TRIM6: variants seen among roughly 807,000 people sequenced by gnomAD.
TRIM6 encodes tripartite motif containing 6.
TRIM6 carries 43 observed loss-of-function variants against 51.2 expected under a neutral mutation model. That is an observed-to-expected ratio of 0.84 (90% CI 0.66 to 1.08). TRIM6 has a LOEUF of 1.08. TRIM6 is among the 50% of genes least tolerant of loss of function. The pLI is 0.00. For missense variants in TRIM6, 669 were observed against 619.0 expected (o/e 1.08, Z -0.86); for synonymous variants, 215 against 232.4 (o/e 0.93, Z 0.68).
chr11:5,610,691 C>A, intron 7 of TRIM6, 86 bp from the exon 8 acceptor site: 1 of 1,571,578 alleles, frequency 6.4e-7, no homozygotes, highest in South Asian at 1.2e-5. Flanking sequence ...TCCAGTTCCT[C>A]CAACCACTTC....
At chr11:5,598,747 T>C (rs1001750169) in intron 1 of TRIM6, among the ~76,000 whole-genome samples, 1 of 152,220 alleles carries the variant, frequency 6.6e-6, no homozygotes, top group Non-Finnish European at 1.5e-5. Context: ...CCATTATGCT[T>C]AGAAGATCAG....
rs111252624 is a variant in TRIM6 at position 5,612,558 on chromosome 11, G to C, written c.*1216G>C. 279 of 152,334 alleles carry C rather than the reference G, an allele frequency of 1.8e-3. No individual in the cohort carries two copies. The highest frequency in any genetic ancestry group is 6.2e-3 in the African/African-American group (257 of 41,572). The allele number at this position is 152,334 out of a possible 1,614,324, so 9.4% of individuals were successfully genotyped here. A position where few individuals can be genotyped will look rare whatever the true frequency, so the allele number is the denominator to read the frequency against. ...GAACAATATAAAGCACTTAAAGGAA[G>C]AGGATGATTTCTTCCAGCTTTTCCA... is the stretch of plus-strand genomic sequence containing the variant. On this transcript the variant is annotated 3_prime_UTR_variant, in exon 8 of 8. Coordinates refer to ENST00000380097, the MANE Select transcript of TRIM6 (RefSeq NM_001003818.3).
At position 5,603,326 on chromosome 11, in the gene TRIM6, T is replaced by C. The variant is rs1847983231; in HGVS notation, c.98T>C (p.Val33Ala). Residue 33 changes from valine to alanine, a missense_variant, in exon 2 of 8, where the codon GTA (valine) becomes GCA (alanine). Physicochemically the swap from Val to Ala is moderately conservative, Grantham distance 64. Transcript: ENST00000380097. ...ARRVATMTSP[V>A]LVDIREEVTC... ...AGAGTAGCTACAATGACTTCACCAG[T>C]ACTGGTGGACATACGAGAAGAGGTG... The C allele has an allele frequency of 1.2e-6, 2 of 1,613,988 alleles. No homozygotes were observed. Among genetic ancestry groups the C allele is most frequent in the Non-Finnish European group, 1.7e-6 (2 of 1,180,034 alleles).
intron 2 of TRIM6, among the ~76,000 whole-genome samples, chr11:5,604,263 C>T (rs1848067233): frequency 6.6e-6 from 1 of 152,222 alleles, no homozygotes; most frequent in African/African-American, 2.4e-5. Context: ...ATCCACCCGC[C>T]TCAGCCTCCC....
chr11:5,609,924 A>AG (rs534969369), intron 5 of TRIM6, among the ~76,000 whole-genome samples: 97 of 151,086 alleles, frequency 6.4e-4, no homozygotes, highest in South Asian at 2.1e-3. Context: ...CTCCTTCTCA[A>AG]AAAAAAAAGT....
chr11:5,596,499 CCCCCTTCCCCCGTTCT>C (rs1564858605), upstream of TRIM6, among the ~76,000 whole-genome samples: 3 of 116,260 alleles, frequency 2.6e-5, no homozygotes, highest in Non-Finnish European at 5.5e-5. Flanking sequence ...GCATCCCTTC[CCCCCTTCCCCCGTTCT>C]CCCCTTCCCC....
chr11:5,600,691 G>C (rs1328127066), intron 1 of TRIM6, among the ~76,000 whole-genome samples: 1 of 87,634 alleles, frequency 1.1e-5, no homozygotes, highest in Non-Finnish European at 2.5e-5. Context: ...AGGCCCACAC[G>C]GACTGTTTTT....
rs1847482354 is a variant in TRIM6, at chr11:5,596,662, C to T, written c.-236C>T. 5 of 548,120 alleles carry T rather than the reference C, an allele frequency of 9.1e-6. No individual in the cohort carries two copies. In the South Asian group the frequency reaches 9.2e-5, roughly 10 times the overall value. 34.0% of individuals were successfully genotyped at this position (548,120 alleles called of 1,614,324 possible). A position where few individuals can be genotyped will look rare whatever the true frequency, so the allele number is the denominator to read the frequency against. ...AGAAGGAGTTGGGAGATGAGCCTTC[C>T]GCAAACTCCTGACCTGTGGGTCCGT... On this transcript the variant is annotated 5_prime_UTR_variant, in exon 1 of 8. Transcript: ENST00000380097.
chr11:5,607,614 G>A (rs1167328284), intron 4 of TRIM6, among the ~76,000 whole-genome samples: 1 of 152,188 alleles, frequency 6.6e-6, no homozygotes, highest in East Asian at 1.9e-4. Context: ...GTGAACAACT[G>A]GTGACCAAAT....
rs1848555381 is a variant in TRIM6, at chr11:5,611,153, G to T, written c.1362G>T (p.Met454Ile). The T allele has an allele frequency of 1.2e-6, 2 of 1,614,128 alleles. No homozygotes were observed. Among genetic ancestry groups the T allele is most frequent in the Non-Finnish European group, 1.7e-6 (2 of 1,180,046 alleles). The change falls in exon 8 of 8, where the codon ATG becomes ATT. Residue 454 changes from methionine to isoleucine, a missense_variant. By Grantham distance (10) the Met-to-Ile change is conservative. Transcript: ENST00000380097. ...CTTCCCCTTCCCTGCTTCTCTCCAT[G>T]ACAGTGCCCCCTCGCCGTGTTGGGG... The part of the protein sequence containing the change: ...EDSSPSLLLS[M>I]TVPPRRVGVF...
rs188881551 is a variant in TRIM6, at chr11:5,612,902, A to T, written c.*1560A>T. 1.3e-5 allele frequency: 2 copies of T among 152,228 alleles called. No homozygotes were observed. The highest frequency in any genetic ancestry group is 1.3e-4 in the Admixed American group (2 of 15,272). 9.4% of individuals were successfully genotyped at this position (152,228 alleles called of 1,614,324 possible). Reference sequence around the variant, plus strand: ...AATAACTTTTCCTTTGTGTATTGCAATGATAATATGTTGGCTCTATTGGAT... The same window carrying T: ...AATAACTTTTCCTTTGTGTATTGCATTGATAATATGTTGGCTCTATTGGAT... On this transcript the variant is annotated 3_prime_UTR_variant, in exon 8 of 8. Transcript: ENST00000380097.
chr11:5,605,260 C>G (rs1564866600), intron 3 of TRIM6, 77 bp from the exon 4 acceptor site: 12 of 1,601,814 alleles, frequency 7.5e-6, no homozygotes, highest in Non-Finnish European at 1.0e-5. Flanking sequence ...AGTCCTGAGC[C>G]CAACTTCCCC....
intron 1 of TRIM6, among the ~76,000 whole-genome samples, chr11:5,598,776 T>C (rs1847638871): frequency 6.6e-6 from 1 of 152,226 alleles, no homozygotes; most frequent in South Asian, 2.1e-4. Context: ...CTTTTAATTT[T>C]TCTTGTATTT....
At chr11:5,599,090 C>G (rs183713601) in intron 1 of TRIM6, among the ~76,000 whole-genome samples, 2 of 152,262 alleles carry the variant, frequency 1.3e-5, no homozygotes, top group Non-Finnish European at 2.9e-5. Flanking sequence ...TGGGTTCTTT[C>G]ACTTTGCATG....
In TRIM6 at chr11:5,610,249, A is replaced by C. The variant is rs3740999; in HGVS notation, c.958+4A>C. On this transcript the variant is annotated splice_donor_region_variant and intron_variant, in intron 6 of 7. Coordinates refer to ENST00000380097, the MANE Select transcript of TRIM6 (RefSeq NM_001003818.3). ...AGGATGCTGCGAGTGTGTAGAGGTA[A>C]GGAGATTCAGGGGAAAGAGTTTGGA... The C allele has an allele frequency of 0.43, 699,306 of 1,613,542 alleles. 161,266 individuals carry two copies. The highest frequency in any genetic ancestry group is 0.48 in the Non-Finnish European group (569,363 of 1,179,736).
intron 1 of TRIM6, among the ~76,000 whole-genome samples, chr11:5,598,213 A>G (rs983770840): frequency 4.6e-5 from 7 of 152,200 alleles, no homozygotes; most frequent in African/African-American, 1.7e-4. Flanking sequence ...GCAGCCTCCC[A>G]TATCTCCCTT....
rs960958235 is a variant in TRIM6 at position 5,596,681 on chromosome 11, G to C, written c.-217G>C. ...GCCTTCCGCAAACTCCTGACCTGTG[G>C]GTCCGTCCGTTCAACGGCCAAAGGC... On this transcript the variant is annotated 5_prime_UTR_variant, in exon 1 of 8. Coordinates refer to ENST00000380097, the MANE Select transcript of TRIM6 (RefSeq NM_001003818.3). The C allele has an allele frequency of 1.3e-5, 9 of 666,826 alleles. No homozygotes were observed. Among genetic ancestry groups the C allele is most frequent in the Non-Finnish European group, 2.0e-5 (8 of 398,206 alleles). The allele number at this position is 666,826 out of a possible 1,614,324, so 41.3% of individuals were successfully genotyped here.
intron 4 of TRIM6, among the ~76,000 whole-genome samples, chr11:5,607,772 G>A (rs1848313909): frequency 6.6e-6 from 1 of 152,154 alleles, no homozygotes; most frequent in South Asian, 2.1e-4. Flanking sequence ...AAGAGTTGCC[G>A]AACTAAGTTC....
Position 5,605,498 on chromosome 11 carries a change from C to G in TRIM6, c.765C>G (p.Thr255=), listed in dbSNP as rs766313538. 4 of 1,614,104 alleles carry G rather than the reference C, an allele frequency of 2.5e-6. No individual in the cohort carries two copies. The highest frequency in any genetic ancestry group is 2.2e-5 in the South Asian group (2 of 91,084). The part of the protein sequence containing the change: ...EEAENDLVHQ[T]QSLRELISDL... ...CTGAGAATGATCTGGTCCACCAGAC[C>G]CAGTCGCTGCGAGAGCTCATCTCGG... The change falls in exon 4 of 8, where the codon ACC becomes ACG. Residue 255 remains threonine (T), a synonymous_variant. Coordinates refer to ENST00000380097, the MANE Select transcript of TRIM6 (RefSeq NM_001003818.3).
Sources: allele counts gnomAD v4.1 joint callset (sites outside exome capture counted in the v4.1 genomes callset), GRCh38; gene constraint gnomAD v4.1.1; transcripts MANE v1.5; gene names NCBI Gene and HGNC (gene_info 2026-07-23, HGNC 2026-07-21).